ZNF44: variants seen among roughly 807,000 people sequenced by gnomAD.
ZNF44 encodes zinc finger protein 44.
ZNF44 carries 9 observed loss-of-function variants against 11.7 expected under a neutral mutation model. That is an observed-to-expected ratio of 0.77 (90% CI 0.46 to 1.35). The LOEUF is 1.35. Among genes scored for constraint, ZNF44 ranks in the 40% most tolerant of loss-of-function variants. The pLI is 0.00. For synonymous variants in ZNF44, 224 were observed against 242.7 expected, an observed-to-expected ratio of 0.92 and a Z score of 0.72; for missense variants, 696 against 743.1, an observed-to-expected ratio of 0.94 and a Z score of 0.74.
Position 12,284,542 on chromosome 19 carries a change from A to G in ZNF44, c.4-8460T>C, listed in dbSNP as rs1293359626. 4.3e-6 allele frequency: 3 copies of G among 705,538 alleles called. No homozygotes were observed. The East Asian group carries it at 8.3e-5, about 20-fold the overall frequency. The allele number at this position is 705,538 out of a possible 1,614,324, so 43.7% of individuals were successfully genotyped here. A position where few individuals can be genotyped will look rare whatever the true frequency, so the allele number is the denominator to read the frequency against. ...AAGGACATGAAGATCTAGTCCCTGG[A>G]GGAGATCTATCTCTTCTCCCTGCCC... On this transcript the variant is annotated intron_variant, in intron 1 of 3. Transcript: ENST00000355684.
At chr19:12,265,563 G>T (rs185626749) in intron 5 of ZNF44, among the ~76,000 whole-genome samples, 33 of 152,174 alleles carry the variant, frequency 2.2e-4, no homozygotes, top group South Asian at 1.2e-3. Flanking sequence ...GATAAAGCCG[G>T]GGAGGCTCAG....
chr19:12,257,789 ACT>A (rs1917320708), intron 5 of ZNF44, among the ~76,000 whole-genome samples: 2 of 131,268 alleles, frequency 1.5e-5, no homozygotes, highest in African/African-American at 3.0e-5. Context: ...CAACAGCAAA[ACT>A]CTGTCTCAAA....
chr19:12,261,346 C>T (rs901409793), intron 5 of ZNF44, among the ~76,000 whole-genome samples: 9 of 152,176 alleles, frequency 5.9e-5, no homozygotes, highest in African/African-American at 2.2e-4. Context: ...TTGAACAGGG[C>T]CAGGCATAGT....
chr19:12,275,090 G>T (rs1273206182), intron 2 of ZNF44, 57 bp from the exon 3 acceptor site: 1 of 1,348,774 alleles, frequency 7.4e-7, no homozygotes, highest in Non-Finnish European at 1.0e-6. Flanking sequence ...TACAAAAATT[G>T]TTAAGATTTT....
intron 5 of ZNF44, among the ~76,000 whole-genome samples, chr19:12,251,301 G>A (rs1356962633): frequency 6.7e-6 from 1 of 149,254 alleles, no homozygotes; most frequent in Non-Finnish European, 1.5e-5. Context: ...TTGCACTCCA[G>A]CCTGGGCAAC....
chr19:12,253,253 G>A (rs1175668192), intron 5 of ZNF44, among the ~76,000 whole-genome samples: 1 of 145,290 alleles, frequency 6.9e-6, no homozygotes, highest in African/African-American at 2.6e-5. Flanking sequence ...GCAGAGGTGT[G>A]GTCTCAGCTC....
At chr19:12,288,123 C>G (rs1276109308) in intron 1 of ZNF44, among the ~76,000 whole-genome samples, 1 of 152,162 alleles carries the variant, frequency 6.6e-6, no homozygotes. Flanking sequence ...ATTGAGGGCT[C>G]AGTTCCACAA....
At chr19:12,233,550 C>CAAAA (rs58060175) in intron 2 of ZNF44, among the ~76,000 whole-genome samples, 2 of 80,850 alleles carry the variant, frequency 2.5e-5, no homozygotes, top group Non-Finnish European at 5.2e-5. Flanking sequence ...ACCCATACAT[C>CAAAA]AAAAAAAAAA....
In ZNF44 at chr19:12,273,862, C is replaced by A; in HGVS notation, c.393G>T (p.Arg131=). The A allele has an allele frequency of 6.2e-7, 1 of 1,614,116 alleles. No homozygotes were observed. The highest frequency in any genetic ancestry group is 8.5e-7 in the Non-Finnish European group (1 of 1,180,020). Residue 131 remains arginine, a synonymous_variant, in exon 4 of 4, where the codon CGG becomes CGT. Coordinates refer to ENST00000355684, the MANE Select transcript of ZNF44 (RefSeq NM_016264.4). ...ACTTCTCTGCATATTCATGACACTC[C>A]CGGTGTTTGTGTCCAGTATCAACTC... ...YIRVDTGHKH[R]ECHEYAEKSY...
chr19:12,275,577 C>T (rs550386345), intron 2 of ZNF44, among the ~76,000 whole-genome samples: 23 of 152,038 alleles, frequency 1.5e-4, no homozygotes, highest in Middle Eastern at 3.4e-3. Flanking sequence ...ACCCGGGAGG[C>T]GGAGCTTGTA....
At chr19:12,281,768 AT>A (rs912254952) in intron 1 of ZNF44, among the ~76,000 whole-genome samples, 1 of 152,180 alleles carries the variant, frequency 6.6e-6, no homozygotes, top group African/African-American at 2.4e-5. Context: ...GTGCCCACAT[AT>A]TTGATAAAAT....
intron 5 of ZNF44, among the ~76,000 whole-genome samples, chr19:12,254,613 T>C (rs564212292): frequency 6.6e-6 from 1 of 152,214 alleles, no homozygotes; most frequent in East Asian, 1.9e-4. Context: ...CATGCACCTG[T>C]AATCTCAGCT....
intron 6 of ZNF44, chr19:12,242,603 C>G (rs772048417): frequency 1.1e-4 from 16 of 150,206 alleles, no homozygotes; most frequent in Non-Finnish European, 1.8e-4. Context: ...CAGGAAGATC[C>G]CTTGAGCCCA....
At chr19:12,248,662 T>C in exon 8 of ZNF44, 1 of 1,292,304 alleles carries the variant, frequency 7.7e-7, no homozygotes, top group Non-Finnish European at 1.0e-6. Context: ...TCACAGAGTC[T>C]CTCTACCATA....
chr19:12,238,718 C>T (rs1011562282), upstream of ZNF44, among the ~76,000 whole-genome samples: 2 of 151,704 alleles, frequency 1.3e-5, no homozygotes, highest in African/African-American at 4.8e-5. Context: ...ATCACTTGAA[C>T]TCGGGAGGCG....
intron 7 of ZNF44, chr19:12,248,784 T>A: frequency 1.4e-6 from 1 of 696,974 alleles, no homozygotes; most frequent in East Asian, 6.8e-5. Context: ...AAGTACAGAT[T>A]TTTTTGTCCT....
intron 1 of ZNF44, among the ~76,000 whole-genome samples, chr19:12,285,645 G>C (rs1047119986): frequency 2.0e-5 from 3 of 152,096 alleles, no homozygotes; most frequent in African/African-American, 4.8e-5. Context: ...TCCCCCATGT[G>C]TTGAAAAATT....
intron 7 of ZNF44, among the ~76,000 whole-genome samples, chr19:12,249,627 A>G (rs1202430847): frequency 6.6e-6 from 1 of 151,912 alleles, no homozygotes; most frequent in Admixed American, 6.6e-5. Flanking sequence ...ATCTCGGCTT[A>G]CTGCAGCCTC....
At chr19:12,293,665 G>A (rs1968112695) in intron 1 of ZNF44, among the ~76,000 whole-genome samples, 1 of 152,160 alleles carries the variant, frequency 6.6e-6, no homozygotes, top group Non-Finnish European at 1.5e-5. Context: ...ATTGAGGAGT[G>A]AAGTTAGCAT....
Sources: allele counts gnomAD v4.1 joint callset (sites outside exome capture counted in the v4.1 genomes callset), GRCh38; gene constraint gnomAD v4.1.1; transcripts MANE v1.5; gene names NCBI Gene and HGNC (gene_info 2026-07-23, HGNC 2026-07-21).